The following MID1 variants were observed in gnomAD, a reference collection of about 807,000 sequenced individuals.
MID1 encodes E3 ubiquitin-protein ligase Midline-1.
Under a neutral mutation model 40.4 loss-of-function variants are expected in MID1, and 7 were observed. The ratio of observed to expected loss-of-function variants is 0.17; its 90% CI spans 0.10 to 0.33. MID1 has a LOEUF of 0.33. Ranked by LOEUF, MID1 falls within the 10% of genes least tolerant of loss-of-function variation. The pLI is 1.00. For synonymous variants in MID1, 229 were observed against 221.2 expected (o/e 1.04, Z -0.31); for missense variants, 367 against 558.5 (o/e 0.66, Z 3.46).
chrX:10,506,193 C>T, intron 3 of MID1: 1 of 951,437 alleles, frequency 1.1e-6, no homozygotes, highest in Non-Finnish European at 1.3e-6. Context: ...TATTCAAACA[C>T]AATGAAAGAG....
chrX:10,578,606 C>G lies in MID1; in HGVS notation c.-56-11003G>C, dbSNP rs1934931643. On this transcript the variant is annotated intron_variant, in intron 1 of 9. Transcript: ENST00000317552. Reference sequence around the variant, plus strand: ...TAAAGCATTTAGTTTTAAAGGCACACAGAACCTATTTTACATTATATTGAA... The same window carrying G: ...TAAAGCATTTAGTTTTAAAGGCACAGAGAACCTATTTTACATTATATTGAA... Among the ~76,000 whole-genome samples the G allele has an allele frequency of 2.7e-5, 3 of 112,732 alleles. No individual in the cohort carries two copies. The South Asian group carries it at 1.1e-3, about 41-fold the overall frequency.
At chrX:10,761,381 A>T in intron 1 of MID1, among the ~76,000 whole-genome samples, 1 of 111,725 alleles carries the variant, frequency 9.0e-6, no homozygotes, top group East Asian at 2.8e-4. Flanking sequence ...GGTACCAATA[A>T]AGTTTTGTTC....
chrX:10,534,224 G>T (rs768548331), intron 2 of MID1, among the ~76,000 whole-genome samples: 1 of 111,729 alleles, frequency 9.0e-6, no homozygotes, highest in Non-Finnish European at 1.9e-5. Flanking sequence ...AACATTGCCA[G>T]ATACTCACTA....
intron 1 of MID1, among the ~76,000 whole-genome samples, chrX:10,773,385 T>G (rs1178386936): frequency 8.9e-6 from 1 of 112,410 alleles, no homozygotes; most frequent in Non-Finnish European, 1.9e-5. Context: ...TTACCTCTCT[T>G]CCCTTAACCA....
intron 1 of MID1, among the ~76,000 whole-genome samples, chrX:10,763,604 T>G (rs760676408): frequency 6.8e-4 from 76 of 111,788 alleles, no homozygotes; most frequent in Middle Eastern, 9.2e-3. Flanking sequence ...TTTGCTATTG[T>G]GAATAGTGCC....
At chrX:10,519,256 C>T (rs1217615419) in intron 3 of MID1, among the ~76,000 whole-genome samples, 4 of 111,510 alleles carry the variant, frequency 3.6e-5, no homozygotes, top group African/African-American at 1.3e-4. Flanking sequence ...CTATCCTAAA[C>T]ATCAAATGCC....
At chrX:10,551,594 C>T (rs2147433097) in intron 2 of MID1, among the ~76,000 whole-genome samples, 1 of 111,603 alleles carries the variant, frequency 9.0e-6, no homozygotes, top group East Asian at 2.8e-4. Flanking sequence ...CTAATTAAAT[C>T]ATTACAGCCT....
At position 10,494,484 on chromosome X, in the gene MID1, T is replaced by G. The variant is rs146541073; in HGVS notation, c.864+1100A>C. ...TTAAAAATCCATAGAAAAATTATCCTTGGCCAGGCATAGTAGCTCGTGCCT... is the reference window on the plus strand; with the variant it reads ...TTAAAAATCCATAGAAAAATTATCCGTGGCCAGGCATAGTAGCTCGTGCCT... On this transcript the variant is annotated intron_variant, in intron 4 of 9. Coordinates refer to ENST00000317552, the MANE Select transcript of MID1 (RefSeq NM_000381.4). Among the ~76,000 whole-genome samples, 6 of 111,477 alleles carry G rather than the reference T, an allele frequency of 5.4e-5. No homozygotes were observed. The East Asian group carries it at 1.7e-3, about 31-fold the overall frequency.
At chrX:10,575,022 C>T (rs7889281) in intron 1 of MID1, among the ~76,000 whole-genome samples, 1,182 of 112,382 alleles carry the variant, frequency 0.011, 9 homozygotes, top group South Asian at 0.032. Flanking sequence ...GCAAGCCACA[C>T]GAAAATGGTT....
chrX:10,751,332 T>C (rs1206070026), intron 1 of MID1, among the ~76,000 whole-genome samples: 1 of 110,516 alleles, frequency 9.0e-6, no homozygotes, highest in African/African-American at 3.3e-5. Context: ...CTGTTTCACT[T>C]AGACATTTCT....
chrX:10,736,235 T>C (rs2043487357), intron 1 of MID1, among the ~76,000 whole-genome samples: 1 of 111,756 alleles, frequency 8.9e-6, no homozygotes, highest in African/African-American at 3.3e-5. Context: ...CGCCTCGGCC[T>C]CCCAAAGTGC....
intron 1 of MID1, among the ~76,000 whole-genome samples, chrX:10,806,339 G>C (rs755953123): frequency 8.9e-6 from 1 of 112,171 alleles, no homozygotes; most frequent in Admixed American, 9.5e-5. Context: ...ATTCATCGAA[G>C]TTACTATTTA....
intron 1 of MID1, among the ~76,000 whole-genome samples, chrX:10,747,241 A>G (rs1428378382): frequency 1.8e-5 from 2 of 112,164 alleles, no homozygotes; most frequent in Non-Finnish European, 3.8e-5. Flanking sequence ...ATAGTTGAGG[A>G]CAGAACTGAT....
intron 3 of MID1, among the ~76,000 whole-genome samples, chrX:10,511,614 C>G (rs1357211353): frequency 1.8e-5 from 2 of 112,017 alleles, no homozygotes; most frequent in Non-Finnish European, 3.8e-5. Context: ...GTTCTAAACT[C>G]TTGGCCTCAA....
chrX:10,712,837 C>A (rs1383748518), intron 1 of MID1, among the ~76,000 whole-genome samples: 4 of 111,202 alleles, frequency 3.6e-5, no homozygotes, highest in South Asian at 7.6e-4. Flanking sequence ...TCTTTTCTTT[C>A]TTTCTTTTTT....
intron 2 of MID1, among the ~76,000 whole-genome samples, chrX:10,550,154 C>T (rs1054984390): frequency 2.7e-5 from 3 of 112,070 alleles, no homozygotes; most frequent in Non-Finnish European, 5.6e-5. Context: ...TATTATACAT[C>T]AAATATAAGC....
In MID1 at chrX:10,445,991, A is replaced by G. The variant is rs991134950; in HGVS notation, c.*3377T>C. 2.7e-5 allele frequency: 3 copies of G among 111,356 alleles called. No homozygotes were observed. Among genetic ancestry groups the G allele is most frequent in the African/African-American group, 9.8e-5 (3 of 30,602 alleles). 9.2% of individuals were successfully genotyped at this position (111,356 alleles called of 1,213,427 possible). ...ACTGCAGCACTGTTGATATTTGAGC[A>G]AGACAACTCTTCGTGGTCGGGGGCT... On this transcript the variant is annotated 3_prime_UTR_variant, in exon 10 of 10. Transcript: ENST00000317552.
At chrX:10,483,299 G>C (rs1930442317) in intron 4 of MID1, among the ~76,000 whole-genome samples, 1 of 111,795 alleles carries the variant, frequency 8.9e-6, no homozygotes, top group East Asian at 2.8e-4. Flanking sequence ...GTGCTTACTT[G>C]ATAACTAGGA....
At chrX:10,713,325 ATT>A (rs112742852) in intron 1 of MID1, among the ~76,000 whole-genome samples, 2,713 of 96,405 alleles carry the variant, frequency 0.028, 97 homozygotes, top group African/African-American at 0.099. Context: ...AGAGAAGGAG[ATT>A]TTTTTTTTTT....
Sources: gnomAD v4.1 joint callset for allele counts (sites outside exome capture counted in the v4.1 genomes callset) on GRCh38, gnomAD v4.1.1 for gene constraint, MANE v1.5 for transcripts, NCBI Gene and HGNC (gene_info 2026-07-23, HGNC 2026-07-21) for gene names.